MYO5B: variants seen among roughly 807,000 people sequenced by gnomAD.
The protein encoded by MYO5B is myosin VB, also known as unconventional myosin-Vb.
In MYO5B, 143 loss-of-function variants were observed where a neutral mutation model predicts 229.3. That is an observed-to-expected ratio of 0.62 (90% CI 0.54 to 0.72). The LOEUF (loss-of-function observed/expected upper bound fraction) is 0.72, where lower values mean the gene tolerates loss of function less well. Ranked by LOEUF, MYO5B falls within the 30% of genes least tolerant of loss-of-function variation. The probability of loss-of-function intolerance (pLI) is 0.00; values close to 1 mark genes in which losing one functional copy is unlikely to be tolerated. For missense variants in MYO5B, 2,321 were observed against 2,331.0 expected, an observed-to-expected ratio of 1.00 and a Z score of 0.09; for synonymous variants, 918 against 885.2, an observed-to-expected ratio of 1.04 and a Z score of -0.66.
At chr18:50,137,455 C>T (rs1402636525) in intron 1 of MYO5B, among the ~76,000 whole-genome samples, 1 of 152,172 alleles carries the variant, frequency 6.6e-6, no homozygotes, top group Non-Finnish European at 1.5e-5. Context: ...TCCTGCCAAC[C>T]TCTAGGCTCA....
At chr18:50,123,321 A>G (rs1360453780) in intron 1 of MYO5B, among the ~76,000 whole-genome samples, 1 of 152,244 alleles carries the variant, frequency 6.6e-6, no homozygotes, top group African/African-American at 2.4e-5. Context: ...GTGGGTTATG[A>G]AAATATTTTG....
At chr18:50,179,456 C>G (rs1257284913) in intron 1 of MYO5B, among the ~76,000 whole-genome samples, 1 of 152,184 alleles carries the variant, frequency 6.6e-6, no homozygotes, top group African/African-American at 2.4e-5. Context: ...GGAAGCTGCC[C>G]AGGAGTCAGC....
chr18:49,935,925 C>A (rs1185187917), intron 16 of MYO5B, among the ~76,000 whole-genome samples: 1 of 152,250 alleles, frequency 6.6e-6, no homozygotes, highest in East Asian at 1.9e-4. Flanking sequence ...ACCACTCCAG[C>A]AACCTTTCCA....
chr18:50,001,543 C>G (rs1598943651), intron 4 of MYO5B, 132 bp from the exon 5 acceptor site: 2 of 1,165,586 alleles, frequency 1.7e-6, no homozygotes, highest in East Asian at 4.7e-5. Flanking sequence ...CGCAGAGGAA[C>G]AGTGTAAAAA....
intron 1 of MYO5B, among the ~76,000 whole-genome samples, chr18:50,101,591 T>C (rs962770863): frequency 6.6e-6 from 1 of 151,912 alleles, no homozygotes; most frequent in Non-Finnish European, 1.5e-5. Flanking sequence ...GAAAATGATA[T>C]GGTACTTCTC....
chr18:49,872,297 C>A, intron 26 of MYO5B, 65 bp from the exon 27 acceptor site: 1 of 1,541,400 alleles, frequency 6.5e-7, no homozygotes, highest in Non-Finnish European at 9.0e-7. Context: ...GAGGTGTTTC[C>A]AACTGTGGTC....
At chr18:50,020,699 C>T (rs991963266) in intron 4 of MYO5B, among the ~76,000 whole-genome samples, 2 of 152,222 alleles carry the variant, frequency 1.3e-5, no homozygotes, top group Non-Finnish European at 2.9e-5. Flanking sequence ...GGAGACGGCC[C>T]TGAACTCAGG....
At chr18:49,963,419 T>TATTA (rs1555647600) in intron 10 of MYO5B, among the ~76,000 whole-genome samples, 5 of 133,146 alleles carry the variant, frequency 3.8e-5, no homozygotes, top group South Asian at 2.4e-4. Flanking sequence ...TTAATTAATT[T>TATTA]ATTTATTTAT....
chr18:49,925,064 T>C (rs1024168944), intron 17 of MYO5B, among the ~76,000 whole-genome samples: 1 of 152,232 alleles, frequency 6.6e-6, no homozygotes, highest in Non-Finnish European at 1.5e-5. Flanking sequence ...GTTCAGGCCA[T>C]GCTGGGAATG....
At chr18:49,997,926 C>T (rs1016297378) in intron 5 of MYO5B, among the ~76,000 whole-genome samples, 1 of 152,142 alleles carries the variant, frequency 6.6e-6, no homozygotes, top group African/African-American at 2.4e-5. Flanking sequence ...GCAGAGCAAT[C>T]AATCAGTAAT....
chr18:50,030,716 A>C (rs555896707), intron 4 of MYO5B, among the ~76,000 whole-genome samples: 1 of 151,764 alleles, frequency 6.6e-6, no homozygotes, highest in East Asian at 1.9e-4. Flanking sequence ...CAGGCCTCCA[A>C]GCTGCACACC....
intron 14 of MYO5B, among the ~76,000 whole-genome samples, chr18:49,937,810 T>C (rs923652669): frequency 6.6e-6 from 1 of 150,812 alleles, no homozygotes; most frequent in African/African-American, 2.4e-5. Flanking sequence ...TTGCTAGGGG[T>C]TGGGGGAGAA....
At chr18:50,102,074 C>T (rs1474046741) in intron 1 of MYO5B, among the ~76,000 whole-genome samples, 1 of 152,094 alleles carries the variant, frequency 6.6e-6, no homozygotes, top group Admixed American at 6.6e-5. Flanking sequence ...GAGATCATGT[C>T]CTTGGGTGAA....
At chr18:50,148,110 TAC>T (rs2032535051) in intron 1 of MYO5B, among the ~76,000 whole-genome samples, 1 of 150,378 alleles carries the variant, frequency 6.6e-6, no homozygotes. Context: ...CCTCGACACA[TAC>T]ACTCTCCCAA....
chr18:50,005,663 C>T (rs879112936), intron 4 of MYO5B, among the ~76,000 whole-genome samples: 10 of 152,160 alleles, frequency 6.6e-5, no homozygotes, highest in Admixed American at 2.0e-4. Context: ...GCAATCTGCC[C>T]ACCCTGGCCT....
At chr18:49,894,846 A>T in intron 22 of MYO5B, 95 bp downstream of exon 22, 1 of 1,107,068 alleles carries the variant, frequency 9.0e-7, no homozygotes, top group Non-Finnish European at 1.4e-6. Flanking sequence ...GACCATGGCA[A>T]TTTTACCACT....
intron 2 of MYO5B, 102 bp from the exon 3 acceptor site, chr18:50,040,416 A>T (rs545544631): frequency 7.1e-6 from 8 of 1,126,696 alleles, no homozygotes; most frequent in Non-Finnish European, 1.1e-5. Context: ...TTAACATGAT[A>T]GTAAGTAATG....
At chr18:49,947,782 G>A (rs2025390733) in intron 14 of MYO5B, among the ~76,000 whole-genome samples, 1 of 152,094 alleles carries the variant, frequency 6.6e-6, no homozygotes, top group Non-Finnish European at 1.5e-5. Context: ...GACTGGCTTT[G>A]GTATTCTCTG....
chr18:50,162,611 G>A (rs2032783554), intron 1 of MYO5B, among the ~76,000 whole-genome samples: 1 of 152,184 alleles, frequency 6.6e-6, no homozygotes, highest in Non-Finnish European at 1.5e-5. Context: ...TATTCCAAAA[G>A]CAAACTGGGC....
Sources: allele counts gnomAD v4.1 joint callset (sites outside exome capture counted in the v4.1 genomes callset), GRCh38; gene constraint gnomAD v4.1.1; transcripts MANE v1.5; gene names NCBI Gene and HGNC (gene_info 2026-07-23, HGNC 2026-07-21).